The following SVIL variants were observed in gnomAD, a reference collection of about 807,000 sequenced individuals.
SVIL encodes the protein archvillin.
A neutral mutation model predicts 240.4 loss-of-function variants in SVIL; 101 were observed. The observed-to-expected ratio is 0.42, with a 90% CI of 0.36 to 0.50. SVIL has a LOEUF of 0.50. Ranked by LOEUF, SVIL falls within the 20% of genes least tolerant of loss-of-function variation. The probability of loss-of-function intolerance (pLI) is 0.01; values close to 1 mark genes in which losing one functional copy is unlikely to be tolerated. For synonymous variants in SVIL, 999 were observed against 1,100.0 expected (o/e 0.91, Z 1.82); for missense variants, 2,512 against 2,818.7 (o/e 0.89, Z 2.46).
At chr10:29,624,950 A>T (rs1297543740) in intron 1 of SVIL, among the ~76,000 whole-genome samples, 1 of 152,218 alleles carries the variant, frequency 6.6e-6, no homozygotes, top group Non-Finnish European at 1.5e-5. Context: ...AATCTCTTTC[A>T]ACTTGGGCAA....
chr10:29,655,809 T>C (rs1958981267), intron 3 of SVIL, among the ~76,000 whole-genome samples: 1 of 152,116 alleles, frequency 6.6e-6, no homozygotes, highest in Non-Finnish European at 1.5e-5. Context: ...GGGTTCTTCA[T>C]AGATGTCTTT....
chr10:29,722,038 G>A (rs1964017438), intron 1 of SVIL, among the ~76,000 whole-genome samples: 1 of 152,040 alleles, frequency 6.6e-6, no homozygotes, highest in South Asian at 2.1e-4. Flanking sequence ...AGGAGTTCGA[G>A]ACCAGCTTGG....
chr10:29,542,366 A>T (rs1448500198), intron 6 of SVIL, among the ~76,000 whole-genome samples: 1 of 152,220 alleles, frequency 6.6e-6, no homozygotes, highest in Non-Finnish European at 1.5e-5. Context: ...CTTCTACTAA[A>T]GTAATGCTAT....
Position 29,458,547 on chromosome 10 carries a change from A to T in SVIL, c.6445T>A (p.Leu2149Ile). Residue 2149 changes from leucine (L) to isoleucine (I), a missense_variant, in exon 37 of 38, where the codon TTA becomes ATA. Leu to Ile is a conservative substitution (Grantham distance 5). Around this residue, in one of 3 missense-constraint regions of SVIL, gnomAD observed 797 missense variants for 925.3 expected, o/e 0.86. Transcript: ENST00000355867. Reference protein sequence around the residue: ...SNQITLVEDVLAKLCKTIYPL... With the variant: ...SNQITLVEDVIAKLCKTIYPL... ...TAAATGGTTTTACAGAGCTTGGCTA[A>T]GACGTCTTCCACGAGGGTGATCTGA... 1 of 1,612,296 alleles carries T rather than the reference A, an allele frequency of 6.2e-7. No individual in the cohort carries two copies. The highest frequency in any genetic ancestry group is 8.5e-7 in the Non-Finnish European group (1 of 1,179,260).
chr10:29,562,199 A>C (rs1181636496), intron 3 of SVIL, among the ~76,000 whole-genome samples: 1 of 152,214 alleles, frequency 6.6e-6, no homozygotes, highest in East Asian at 1.9e-4. Context: ...GTCAGGATGA[A>C]GACATTTTGT....
rs768294330 is a variant in SVIL at position 29,481,710 on chromosome 10, G to C, written c.4974C>G (p.Pro1658=). ...TAAGTCTCCCAAATATCGCCCAGTC[G>C]GGCCGCCCCTGTCCTTTTCTGTAGG... The part of the protein sequence containing the change: ...PLIPRKGQGR[P]DWAIFGRLTE... Residue 1658 remains proline (P), a synonymous_variant, in exon 28 of 38, where the codon CCC becomes CCG. Transcript: ENST00000355867. 9 of 1,614,030 alleles carry C rather than the reference G, an allele frequency of 5.6e-6. No individual in the cohort carries two copies. Among genetic ancestry groups the C allele is most frequent in the Non-Finnish European group, 7.6e-6 (9 of 1,180,016 alleles).
At chr10:29,538,727 G>A (rs1475254822) in intron 6 of SVIL, among the ~76,000 whole-genome samples, 1 of 152,124 alleles carries the variant, frequency 6.6e-6, no homozygotes, top group Non-Finnish European at 1.5e-5. Context: ...AGGTAGGTTG[G>A]GTGTATTAAG....
At chr10:29,460,367 C>G (rs1345869806) in intron 36 of SVIL, among the ~76,000 whole-genome samples, 2 of 152,092 alleles carry the variant, frequency 1.3e-5, no homozygotes, top group Admixed American at 6.6e-5. Context: ...TGACTCTTCT[C>G]CGGCTGGAAT....
chr10:29,638,545 GAAA>G (rs1441020714), upstream of SVIL, among the ~76,000 whole-genome samples: 1 of 151,936 alleles, frequency 6.6e-6, no homozygotes, highest in East Asian at 1.9e-4. Context: ...TACTTCAAAT[GAAA>G]CTTTCAAATA....
chr10:29,726,518 G>A (rs190981131), intron 1 of SVIL, among the ~76,000 whole-genome samples: 2,342 of 151,980 alleles, frequency 0.015, 26 homozygotes, highest in Non-Finnish European at 0.021. Context: ...AGGCCGAGGC[G>A]GGCGGATCAC....
chr10:29,662,775 G>A (rs74131926), intron 2 of SVIL, among the ~76,000 whole-genome samples: 1,906 of 144,984 alleles, frequency 0.013, 32 homozygotes, highest in African/African-American at 0.046. Flanking sequence ...GTATGTGCGC[G>A]CGTACACACA....
chr10:29,468,219 A>G lies in SVIL; in HGVS notation c.5844-344T>C, dbSNP rs528998233. Among the ~76,000 whole-genome samples the G allele has an allele frequency of 9.2e-5, 14 of 152,076 alleles. 2 individuals are homozygous for G. The South Asian group carries it at 2.9e-3, about 31-fold the overall frequency. ...CATTTCATACAGATGGAATTATATA[A>G]TATATGTTCCTTTGTGACTGAGTTT... On this transcript the variant is annotated intron_variant, in intron 32 of 37. Coordinates refer to ENST00000355867, the MANE Select transcript of SVIL (RefSeq NM_021738.3).
At position 29,560,661 on chromosome 10, in the gene SVIL, T is replaced by A. The variant is rs1419072108; in HGVS notation, c.-51+2540A>T. On this transcript the variant is annotated intron_variant, in intron 3 of 37. Transcript: ENST00000355867. ...ATTAAAATAAAATTATAACCAAATCTTTTTTTAACATAATATTGCTAAGAG... is the reference window on the plus strand; with the variant it reads ...ATTAAAATAAAATTATAACCAAATCATTTTTTAACATAATATTGCTAAGAG... Among the ~76,000 whole-genome samples, 3 of 63,128 alleles carry A rather than the reference T, an allele frequency of 4.8e-5. No individual in the cohort carries two copies. In the Admixed American group the frequency reaches 5.5e-4, roughly 12 times the overall value. 41.4% of individuals were successfully genotyped at this position (63,128 alleles called of 152,430 possible).
chr10:29,551,321 A>T, intron 5 of SVIL, 58 bp from the exon 6 acceptor site: 1 of 1,447,818 alleles, frequency 6.9e-7, no homozygotes, highest in Non-Finnish European at 9.2e-7. Flanking sequence ...ATGTATTTAC[A>T]CACAGAATGA....
At chr10:29,506,657 G>GGAGGGAGGGGACAGAGGCCCTAT (rs1244956167) in intron 17 of SVIL, among the ~76,000 whole-genome samples, 21 of 90,968 alleles carry the variant, frequency 2.3e-4, no homozygotes, top group African/African-American at 5.2e-4. Context: ...CAGAGGCCCT[G>GGAGGGAGGGGACAGAGGCCCTAT]GAGGGAGGGG....
rs1167581330 is a variant in SVIL at position 29,551,247 on chromosome 10, C to G, written c.177G>C (p.Glu59Asp). 1 of 1,598,194 alleles carries G rather than the reference C, an allele frequency of 6.3e-7. No individual in the cohort carries two copies. Among genetic ancestry groups the G allele is most frequent in the Non-Finnish European group, 8.5e-7 (1 of 1,173,256 alleles). The change falls in exon 6 of 38, where the codon GAG (glutamate) becomes GAC (aspartate). Residue 59 changes from glutamate to aspartate, a missense_variant. By Grantham distance (45) the Glu-to-Asp change is conservative. Around this residue, in one of 3 missense-constraint regions of SVIL, gnomAD observed 1,443 missense variants for 1,486.6 expected, o/e 0.97. Coordinates refer to ENST00000355867, the MANE Select transcript of SVIL (RefSeq NM_021738.3). ...CTAGAGAAGAATCAGAAGTTTCCTC[C>G]TCTTCATTTGATCGGCCTACAAGAA... ...ASPHIGRSNE[E>D]EETSDSSLEK...
intron 36 of SVIL, among the ~76,000 whole-genome samples, chr10:29,459,516 A>G (rs952401695): frequency 2.0e-5 from 3 of 152,202 alleles, no homozygotes; most frequent in African/African-American, 4.8e-5. Flanking sequence ...ATAACCTGAA[A>G]AGAAATCACA....
chr10:29,706,937 T>C (rs1485854856), intron 1 of SVIL, among the ~76,000 whole-genome samples: 1 of 152,170 alleles, frequency 6.6e-6, no homozygotes. Flanking sequence ...TTGTCGAAGA[T>C]CAGATGGTTG....
At chr10:29,649,070 G>A (rs763001720) in intron 3 of SVIL, among the ~76,000 whole-genome samples, 2 of 152,120 alleles carry the variant, frequency 1.3e-5, no homozygotes, top group African/African-American at 2.4e-5. Flanking sequence ...TGAGGTAGGA[G>A]GATCCTTTAA....
Sources: gnomAD v4.1 joint callset for allele counts (sites outside exome capture counted in the v4.1 genomes callset) on GRCh38, gnomAD v4.1.1 for gene constraint, gnomAD v4.1.1 regional missense constraint, MANE v1.5 for transcripts, NCBI Gene and HGNC (gene_info 2026-07-23, HGNC 2026-07-21) for gene names.